CAMSAP1: variants seen among roughly 807,000 people sequenced by gnomAD.
The protein encoded by CAMSAP1 is calmodulin regulated spectrin associated protein 1.
CAMSAP1 carries 58 observed loss-of-function variants against 143.5 expected under a neutral mutation model. The ratio of observed to expected loss-of-function variants is 0.40; its 90% CI spans 0.33 to 0.50. CAMSAP1 has a LOEUF of 0.50. Ranked by LOEUF, CAMSAP1 falls within the 20% of genes least tolerant of loss-of-function variation. The pLI, the probability that CAMSAP1 is intolerant of heterozygous loss-of-function variation, is 0.45. For synonymous variants in CAMSAP1, 945 were observed against 859.3 expected (o/e 1.10, Z -1.74); for missense variants, 1,969 against 2,115.7 (o/e 0.93, Z 1.36).
intron 14 of CAMSAP1, 73 bp from the exon 15 acceptor site, chr9:135,816,078 G>A (rs1460656065): frequency 1.4e-6 from 2 of 1,395,166 alleles, no homozygotes; most frequent in African/African-American, 1.4e-5. Flanking sequence ...GCAAGGGGCT[G>A]GCCCGCAACC....
intron 1 of CAMSAP1, among the ~76,000 whole-genome samples, chr9:135,886,869 C>A (rs762722583): frequency 6.6e-6 from 1 of 152,194 alleles, no homozygotes; most frequent in Non-Finnish European, 1.5e-5. Flanking sequence ...TGATGCAGTA[C>A]GACAAAAACA....
At chr9:135,833,236 T>C (rs970752673) in intron 7 of CAMSAP1, among the ~76,000 whole-genome samples, 3 of 151,948 alleles carry the variant, frequency 2.0e-5, no homozygotes, top group Admixed American at 1.3e-4. Flanking sequence ...CGCCCGCCAC[T>C]ACGCCCGGCT....
chr9:135,861,926 C>T (rs541066531), intron 5 of CAMSAP1, among the ~76,000 whole-genome samples: 1 of 152,332 alleles, frequency 6.6e-6, no homozygotes, highest in African/African-American at 2.4e-5. Flanking sequence ...GAGGGAGATA[C>T]ACTGTCATCG....
intron 7 of CAMSAP1, among the ~76,000 whole-genome samples, chr9:135,838,187 A>T (rs1384720136): frequency 2.0e-5 from 3 of 150,184 alleles, no homozygotes; most frequent in African/African-American, 7.5e-5. Flanking sequence ...TTCTACAGAC[A>T]CACGTCATCA....
chr9:135,846,096 A>AAAAAAG (rs1211587970), intron 7 of CAMSAP1, among the ~76,000 whole-genome samples: 1 of 143,226 alleles, frequency 7.0e-6, no homozygotes. Flanking sequence ...AAAAAAAACG[A>AAAAAAG]AGCTGGAGGC....
chr9:135,906,228 A>C (rs1056045259), intron 1 of CAMSAP1, among the ~76,000 whole-genome samples: 1 of 152,238 alleles, frequency 6.6e-6, no homozygotes, highest in Non-Finnish European at 1.5e-5. Flanking sequence ...TAAAAAGGGT[A>C]ATTTTTCACC....
At position 135,822,550 on chromosome 9, in the gene CAMSAP1, A is replaced by C. The variant is rs760564530; in HGVS notation, c.2111T>G (p.Val704Gly). ...CTCGGTGTCTTCATCGGCCCTGCCT[A>C]CATGAAGGAAGAAGCCATCCGTGGA... Reference protein sequence around the residue: ...GPSTDGFFLHVGRADEDTEGR... With the variant: ...GPSTDGFFLHGGRADEDTEGR... The change falls in exon 11 of 17, where the codon GTA (valine) becomes GGA (glycine). Residue 704 changes from valine to glycine, a missense_variant. Physicochemically the swap from Val to Gly is moderately radical, Grantham distance 109 (BLOSUM62 -3). Coordinates refer to ENST00000389532, the MANE Select transcript of CAMSAP1 (RefSeq NM_015447.4). This position sits in a 1 kb window ranked among gnomAD's most constrained non-coding sequence, Gnocchi z 6.1. 1.9e-6 allele frequency: 3 copies of C among 1,613,768 alleles called. No individual in the cohort carries two copies. The highest frequency in any genetic ancestry group is 2.2e-5 in the South Asian group (2 of 91,064).
chr9:135,862,700 T>C, intron 4 of CAMSAP1, 92 bp from the exon 5 acceptor site: 2 of 1,272,452 alleles, frequency 1.6e-6, no homozygotes, highest in Non-Finnish European at 1.1e-6. Flanking sequence ...AGAATTAACA[T>C]AACGCCTAAC....
chr9:135,837,734 T>C (rs578013285), intron 7 of CAMSAP1, among the ~76,000 whole-genome samples: 130 of 128,860 alleles, frequency 1.0e-3, no homozygotes, highest in African/African-American at 3.5e-3. Flanking sequence ...CACATCATCA[T>C]GCACTTTCTA....
intron 1 of CAMSAP1, among the ~76,000 whole-genome samples, chr9:135,896,940 T>A (rs1004298387): frequency 6.6e-6 from 1 of 152,154 alleles, no homozygotes; most frequent in African/African-American, 2.4e-5. Flanking sequence ...GAAGGTGCCA[T>A]CTATGAGGAA....
rs1276159789 is a variant in CAMSAP1, at chr9:135,821,467, T to C, written c.3194A>G (p.Gln1065Arg). 1.2e-6 allele frequency: 2 copies of C among 1,614,062 alleles called. No homozygotes were observed. Among genetic ancestry groups the C allele is most frequent in the Non-Finnish European group, 8.5e-7 (1 of 1,179,906 alleles). Reference protein sequence around the residue: ...VPVPGSKNNSQDHKVKAPVHF... With the variant: ...VPVPGSKNNSRDHKVKAPVHF... Reference sequence around the variant, plus strand: ...GACTGGTGCCTTCACTTTGTGGTCCTGCGAGTTATTCTTAGAGCCTGGCAC... The same window carrying C: ...GACTGGTGCCTTCACTTTGTGGTCCCGCGAGTTATTCTTAGAGCCTGGCAC... Residue 1065 changes from glutamine (Q) to arginine (R), a missense_variant, in exon 11 of 17, where the codon CAG becomes CGG. Coordinates refer to ENST00000389532, the MANE Select transcript of CAMSAP1 (RefSeq NM_015447.4). This position sits in a 1 kb window ranked among gnomAD's most constrained non-coding sequence, Gnocchi z 4.6.
rs751204927 is a variant in CAMSAP1, at chr9:135,810,505, T to C, written c.*804A>G. The C allele has an allele frequency of 2.0e-5, 3 of 152,648 alleles. No homozygotes were observed. Among genetic ancestry groups the C allele is most frequent in the African/African-American group, 7.2e-5 (3 of 41,444 alleles). 9.5% of individuals were successfully genotyped at this position (152,648 alleles called of 1,614,324 possible). On this transcript the variant is annotated 3_prime_UTR_variant, in exon 17 of 17. Transcript: ENST00000389532. ...AAAACTTAATGAATGATGGCTGCAG[T>C]TGGCTCGGCTTGCCTACTTTAAATG... is the stretch of plus-strand genomic sequence containing the variant.
intron 7 of CAMSAP1, among the ~76,000 whole-genome samples, chr9:135,827,851 T>C (rs750205820): frequency 4.6e-5 from 7 of 152,244 alleles, no homozygotes; most frequent in Non-Finnish European, 1.0e-4. Flanking sequence ...GGCTCTGTCT[T>C]GGTCACCGTC....
Position 135,815,209 on chromosome 9 carries a change from T to C in CAMSAP1, c.4394A>G (p.Lys1465Arg), listed in dbSNP as rs1835188394. Residue 1465 changes from lysine (K) to arginine (R), a missense_variant, in exon 16 of 17, where the codon AAG becomes AGG. This residue lies in a region of CAMSAP1 where 143 missense variants were observed against 200.6 expected (regional missense o/e 0.71). Coordinates refer to ENST00000389532, the MANE Select transcript of CAMSAP1 (RefSeq NM_015447.4). ...LASVAEYTGPKLFKEPSSKSN... is the reference protein window; with the variant it reads ...LASVAEYTGPRLFKEPSSKSN... ...TTTACTACTGGGCTCCTTAAAGAGC[T>C]TGGGACCTAAGAAACGAGGCCAGGG... 1.2e-6 allele frequency: 2 copies of C among 1,609,234 alleles called. No individual in the cohort carries two copies. The highest frequency in any genetic ancestry group is 1.1e-5 in the South Asian group (1 of 89,732).
At chr9:135,887,579 G>A (rs1039720209) in intron 1 of CAMSAP1, among the ~76,000 whole-genome samples, 1 of 152,198 alleles carries the variant, frequency 6.6e-6, no homozygotes, top group Non-Finnish European at 1.5e-5. Context: ...CTCGGGAGGC[G>A]GAGGGGAGGG....
chr9:135,812,776 C>T (rs1422268997), intron 16 of CAMSAP1, among the ~76,000 whole-genome samples: 1 of 152,108 alleles, frequency 6.6e-6, no homozygotes, highest in Non-Finnish European at 1.5e-5. Flanking sequence ...CAAGACCAGC[C>T]TGGCCAATAT....
chr9:135,884,246 T>C (rs149656867), intron 1 of CAMSAP1, among the ~76,000 whole-genome samples: 108 of 152,146 alleles, frequency 7.1e-4, no homozygotes, highest in Non-Finnish European at 1.3e-3. Context: ...CCAGTAACAC[T>C]AGAGACATTC....
At chr9:135,879,201 C>T (rs1837851051) in intron 3 of CAMSAP1, among the ~76,000 whole-genome samples, 1 of 152,084 alleles carries the variant, frequency 6.6e-6, no homozygotes, top group South Asian at 2.1e-4. Flanking sequence ...GCCGGAAATA[C>T]AATGTATTTC....
At position 135,811,417 on chromosome 9, in the gene CAMSAP1, C is replaced by T. The variant is rs1389379011; in HGVS notation, c.4701G>A (p.Leu1567=). ...TGACAGACATGGTTTTGGCTGGGAT[C>T]AAGTTAAACTGTTTTCGGTCTGAGC... The part of the protein sequence containing the change: ...KYSSDRKQFN[L]IPAKTMSVSV... Residue 1567 remains leucine (L), a synonymous_variant, in exon 17 of 17, where the codon TTG becomes TTA. Transcript: ENST00000389532. This position sits in a 1 kb window ranked among gnomAD's most constrained non-coding sequence, Gnocchi z 4.9. The T allele has an allele frequency of 6.2e-7, 1 of 1,612,850 alleles. No individual in the cohort carries two copies. The highest frequency in any genetic ancestry group is 8.5e-7 in the Non-Finnish European group (1 of 1,179,348).
Sources: gnomAD v4.1 joint callset for allele counts (sites outside exome capture counted in the v4.1 genomes callset) on GRCh38, gnomAD v4.1.1 for gene constraint, gnomAD v4.1.1 regional missense constraint, Gnocchi (gnomAD v3.1) non-coding constraint, MANE v1.5 for transcripts, NCBI Gene and HGNC (gene_info 2026-07-23, HGNC 2026-07-21) for gene names.